RIMS4: variants seen among roughly 807,000 people sequenced by gnomAD.
RIMS4 encodes regulating synaptic membrane exocytosis protein 4.
Under a neutral mutation model 29.0 loss-of-function variants are expected in RIMS4, and 9 were observed. The observed-to-expected ratio is 0.31, with a 90% CI of 0.19 to 0.54. RIMS4 has a LOEUF of 0.54. Among genes scored for constraint, RIMS4 ranks in the 20% least tolerant of loss-of-function variants. The pLI, the probability that RIMS4 is intolerant of heterozygous loss-of-function variation, is 0.94. For synonymous variants in RIMS4, 130 were observed against 152.9 expected (o/e 0.85, Z 1.10); for missense variants, 193 against 365.7 (o/e 0.53, Z 3.85).
rs2066040793 is a variant in RIMS4, at chr20:44,752,915, G to A, written c.*3219C>T. ...TCAGCTGGGCCAGCCCCCAAGGAGA[G>A]CTGAGTCTCCCTGGCAACCCTCTCC... On this transcript the variant is annotated 3_prime_UTR_variant, in exon 6 of 6. Transcript: ENST00000372851. The A allele has an allele frequency of 1.3e-5, 2 of 152,918 alleles. No homozygotes were observed. Among genetic ancestry groups the A allele is most frequent in the Middle Eastern group, 3.4e-3 (1 of 294 alleles). 9.5% of individuals were successfully genotyped at this position (152,918 alleles called of 1,614,324 possible).
At chr20:44,760,021 A>C (rs1255288776) in intron 2 of RIMS4, among the ~76,000 whole-genome samples, 4 of 152,252 alleles carry the variant, frequency 2.6e-5, no homozygotes, top group African/African-American at 9.6e-5. Context: ...CAGGAGGTAG[A>C]GAGCAAGAGA....
In RIMS4 at chr20:44,810,182, CTCG is replaced by C. The variant is rs768597881; in HGVS notation, c.87_89del (p.Asp29del). On this transcript the variant is annotated inframe_deletion, in exon 1 of 6. Coordinates refer to ENST00000372851, the MANE Select transcript of RIMS4 (RefSeq NM_182970.4). Reference sequence around the variant, plus strand: ...GGCGGGCCGCGCGCTTACCTGCGTCCTCGTCGTCGAAGGAGTTCATGCACGGGA... The same window carrying C: ...GGCGGGCCGCGCGCTTACCTGCGTCCTCGTCGAAGGAGTTCATGCACGGGA... The C allele has an allele frequency of 6.9e-6, 11 of 1,587,522 alleles. No individual in the cohort carries two copies. The African/African-American group carries it at 1.3e-4, about 19-fold the overall frequency.
intron 2 of RIMS4, among the ~76,000 whole-genome samples, chr20:44,761,090 C>A (rs1276523788): frequency 6.6e-6 from 1 of 152,102 alleles, no homozygotes; most frequent in East Asian, 1.9e-4. Flanking sequence ...AAATCCTGAA[C>A]CAAGTGGGTC....
intron 1 of RIMS4, among the ~76,000 whole-genome samples, chr20:44,791,436 C>G (rs552495920): frequency 3.0e-4 from 46 of 152,336 alleles, no homozygotes; most frequent in African/African-American, 1.1e-3. Context: ...GGAATAGCGA[C>G]AGAACCTTTC....
intron 1 of RIMS4, among the ~76,000 whole-genome samples, chr20:44,799,150 A>C (rs772071853): frequency 6.6e-6 from 1 of 152,094 alleles, no homozygotes; most frequent in Non-Finnish European, 1.5e-5. Flanking sequence ...TAAAAATATA[A>C]AAATTAGCTG....
chr20:44,763,911 C>T (rs547597810), intron 2 of RIMS4, among the ~76,000 whole-genome samples: 10 of 152,288 alleles, frequency 6.6e-5, no homozygotes, highest in Non-Finnish European at 1.5e-4. Flanking sequence ...TAGGAGTTTA[C>T]GGGTTCCCTG....
intron 1 of RIMS4, among the ~76,000 whole-genome samples, chr20:44,795,128 C>G (rs111574865): frequency 1.4e-3 from 218 of 152,326 alleles, no homozygotes; most frequent in African/African-American, 3.9e-3. Context: ...CTAATACTAA[C>G]AAGAGCTAAC....
chr20:44,769,356 C>T (rs549060699), intron 2 of RIMS4, among the ~76,000 whole-genome samples: 2 of 152,314 alleles, frequency 1.3e-5, no homozygotes, highest in South Asian at 4.1e-4. Context: ...CACTGAAGCA[C>T]GTTGCCCTTC....
intron 1 of RIMS4, among the ~76,000 whole-genome samples, chr20:44,786,326 G>A (rs1340561202): frequency 2.0e-5 from 3 of 152,154 alleles, no homozygotes; most frequent in Non-Finnish European, 2.9e-5. Context: ...GTCGAGGCAA[G>A]GGACAGAAGG....
chr20:44,783,648 A>C (rs113325465), intron 1 of RIMS4, among the ~76,000 whole-genome samples: 107 of 152,248 alleles, frequency 7.0e-4, no homozygotes, highest in African/African-American at 1.1e-3. Context: ...AAAACAAAAA[A>C]AAAACAACAA....
At chr20:44,769,945 G>A (rs1311911577) in intron 2 of RIMS4, among the ~76,000 whole-genome samples, 2 of 152,242 alleles carry the variant, frequency 1.3e-5, no homozygotes, top group African/African-American at 2.4e-5. Context: ...TGATGGAAAT[G>A]TTCTATTTTC....
intron 3 of RIMS4, 62 bp from the exon 4 acceptor site, chr20:44,757,833 C>T: frequency 6.9e-7 from 1 of 1,441,346 alleles, no homozygotes; most frequent in Non-Finnish European, 9.7e-7. Flanking sequence ...TTGGACTCAG[C>T]TCTTCTCCTT....
At chr20:44,766,370 G>T (rs2066113664) in intron 2 of RIMS4, among the ~76,000 whole-genome samples, 1 of 152,196 alleles carries the variant, frequency 6.6e-6, no homozygotes, top group Non-Finnish European at 1.5e-5. Flanking sequence ...AGAGAAGGAA[G>T]TGCCAGGTAG....
At chr20:44,786,188 C>T (rs2066207740) in intron 1 of RIMS4, among the ~76,000 whole-genome samples, 2 of 152,200 alleles carry the variant, frequency 1.3e-5, no homozygotes, top group African/African-American at 2.4e-5. Context: ...CCATCCTTCC[C>T]TATTTTTAAC....
intron 1 of RIMS4, among the ~76,000 whole-genome samples, chr20:44,772,455 G>A (rs983098977): frequency 1.3e-5 from 2 of 152,150 alleles, no homozygotes; most frequent in Admixed American, 6.5e-5. Context: ...TAATAACTGT[G>A]GCTGCCTTGA....
At chr20:44,775,789 A>T (rs2066157661) in intron 1 of RIMS4, among the ~76,000 whole-genome samples, 2 of 152,198 alleles carry the variant, frequency 1.3e-5, no homozygotes, top group Admixed American at 1.3e-4. Context: ...AAGTTCAAAA[A>T]TCTTCACACA....
At chr20:44,793,057 G>T (rs116226447) in intron 1 of RIMS4, among the ~76,000 whole-genome samples, 2 of 152,194 alleles carry the variant, frequency 1.3e-5, no homozygotes, top group African/African-American at 2.4e-5. Flanking sequence ...CACCAGGATG[G>T]GGGTAGGGAG....
chr20:44,779,696 C>T (rs1370258001), intron 1 of RIMS4, among the ~76,000 whole-genome samples: 1 of 152,156 alleles, frequency 6.6e-6, no homozygotes, highest in African/African-American at 2.4e-5. Flanking sequence ...TTACAAATAG[C>T]TCTGCCAAAA....
chr20:44,801,628 C>T (rs1424180035), intron 1 of RIMS4, among the ~76,000 whole-genome samples: 1 of 152,214 alleles, frequency 6.6e-6, no homozygotes, highest in African/African-American at 2.4e-5. Flanking sequence ...ATTCCCAGAG[C>T]TGTCTGGGTC....
Sources: gnomAD v4.1 joint callset for allele counts (sites outside exome capture counted in the v4.1 genomes callset) on GRCh38, gnomAD v4.1.1 for gene constraint, MANE v1.5 for transcripts, NCBI Gene and HGNC (gene_info 2026-07-23, HGNC 2026-07-21) for gene names.